The following ANKS1B variants were observed in gnomAD, a reference collection of about 807,000 sequenced individuals.
ANKS1B encodes the protein ankyrin repeat and sterile alpha motif domain-containing protein 1B.
A neutral mutation model predicts 148.3 loss-of-function variants in ANKS1B; 36 were observed. The observed-to-expected ratio is 0.24, with a 90% CI of 0.19 to 0.32. ANKS1B has a LOEUF of 0.32. ANKS1B is among the 10% of genes least tolerant of loss of function. The pLI is 1.00. For synonymous variants in ANKS1B, 542 were observed against 560.8 expected, an observed-to-expected ratio of 0.97 and a Z score of 0.47; for missense variants, 1,157 against 1,542.6, an observed-to-expected ratio of 0.75 and a Z score of 4.19.
chr12:99,224,737 T>C (rs1210565451), intron 14 of ANKS1B, among the ~76,000 whole-genome samples: 8 of 152,162 alleles, frequency 5.3e-5, no homozygotes, highest in African/African-American at 1.9e-4. Context: ...ACTGTTATTT[T>C]AAAGAATAAG....
intron 12 of ANKS1B, among the ~76,000 whole-genome samples, chr12:99,361,703 G>A (rs760779264): frequency 1.5e-4 from 23 of 151,754 alleles, no homozygotes; most frequent in Non-Finnish European, 3.2e-4. Flanking sequence ...ATATCTATAT[G>A]GCATTTTCAA....
intron 12 of ANKS1B, among the ~76,000 whole-genome samples, chr12:99,249,865 T>G (rs2074348313): frequency 6.6e-6 from 1 of 152,264 alleles, no homozygotes; most frequent in Admixed American, 6.5e-5. Context: ...CCTGACACCA[T>G]GTGAACAAGC....
chr12:99,231,510 C>T (rs543269142), intron 14 of ANKS1B, among the ~76,000 whole-genome samples: 1 of 152,196 alleles, frequency 6.6e-6, no homozygotes, highest in Non-Finnish European at 1.5e-5. Flanking sequence ...CATAATAATA[C>T]TTCACTGAGT....
At chr12:99,156,407 C>G (rs1467469894) in intron 14 of ANKS1B, among the ~76,000 whole-genome samples, 1 of 152,148 alleles carries the variant, frequency 6.6e-6, no homozygotes, top group Admixed American at 6.6e-5. Flanking sequence ...CCCTTTAAGA[C>G]ACAGTTTTGA....
chr12:99,946,806 G>T (rs2095074425), intron 1 of ANKS1B, among the ~76,000 whole-genome samples: 2 of 152,094 alleles, frequency 1.3e-5, no homozygotes, highest in Non-Finnish European at 2.9e-5. Context: ...GAAGAACATG[G>T]CATGGCTAGA....
At chr12:99,658,487 T>A (rs1001597631) in intron 8 of ANKS1B, among the ~76,000 whole-genome samples, 4 of 152,134 alleles carry the variant, frequency 2.6e-5, no homozygotes, top group African/African-American at 9.7e-5. Flanking sequence ...ATGCATGATA[T>A]CATGTTCTTC....
Position 99,840,901 on chromosome 12 carries a change from T to G in ANKS1B, c.135-15512A>C, listed in dbSNP as rs568896736. Among the ~76,000 whole-genome samples the G allele has an allele frequency of 1.3e-4, 20 of 152,262 alleles. No homozygotes were observed. In the East Asian group the frequency reaches 3.7e-3, roughly 28 times the overall value. On this transcript the variant is annotated intron_variant, in intron 1 of 26. Transcript: ENST00000683438. ...CGGCATGCCTGGTAGGGCACCACCA[T>G]TTAGTATGATGCTTGCTACTGGATT...
At chr12:99,496,134 TAA>T (rs1005562382) in intron 10 of ANKS1B, among the ~76,000 whole-genome samples, 3 of 152,330 alleles carry the variant, frequency 2.0e-5, no homozygotes, top group Non-Finnish European at 2.9e-5. Flanking sequence ...GGTGGTTTTG[TAA>T]ATTGCTCATT....
intron 17 of ANKS1B, among the ~76,000 whole-genome samples, chr12:98,902,640 T>A (rs1465285508): frequency 2.0e-5 from 3 of 152,234 alleles, no homozygotes; most frequent in African/African-American, 7.2e-5. Context: ...ATTTACTGGT[T>A]GTAGACCCTG....
chr12:99,787,523 A>G (rs191116001), intron 4 of ANKS1B, among the ~76,000 whole-genome samples: 2 of 152,346 alleles, frequency 1.3e-5, no homozygotes, highest in Admixed American at 1.3e-4. Context: ...GACTAATACA[A>G]TAATGCAATA....
intron 10 of ANKS1B, among the ~76,000 whole-genome samples, chr12:99,461,022 A>T (rs77354468): frequency 6.6e-6 from 1 of 151,980 alleles, no homozygotes; most frequent in Non-Finnish European, 1.5e-5. Context: ...ACGAGTGGAT[A>T]AAGAAAATGT....
chr12:99,632,555 G>A (rs2098172360), intron 9 of ANKS1B, among the ~76,000 whole-genome samples: 1 of 151,430 alleles, frequency 6.6e-6, no homozygotes, highest in Non-Finnish European at 1.5e-5. Context: ...CACAAAGGCA[G>A]GGTTTTTCAA....
intron 14 of ANKS1B, among the ~76,000 whole-genome samples, chr12:99,194,702 T>A (rs1219049216): frequency 6.6e-6 from 1 of 152,168 alleles, no homozygotes; most frequent in Non-Finnish European, 1.5e-5. Flanking sequence ...TGGATAATAT[T>A]AAGCAATTAT....
At chr12:98,849,791 G>T (rs1316472859) in intron 17 of ANKS1B, among the ~76,000 whole-genome samples, 2 of 152,108 alleles carry the variant, frequency 1.3e-5, no homozygotes, top group Admixed American at 6.5e-5. Flanking sequence ...GAGGATTTTT[G>T]CAGGGAGAAA....
At chr12:99,372,863 C>T (rs79232317) in intron 12 of ANKS1B, among the ~76,000 whole-genome samples, 4,729 of 152,140 alleles carry the variant, frequency 0.031, 99 homozygotes, top group Non-Finnish European at 0.05. Context: ...TATCATGTCT[C>T]ATCTGCACTC....
In ANKS1B at chr12:99,130,622, G is replaced by T. The variant is rs187104004; in HGVS notation, c.2526+23667C>A. On this transcript the variant is annotated intron_variant, in intron 15 of 26. Transcript: ENST00000683438. ...ACTCATCCTCTATAGTGCCATCAAA[G>T]TCAGAGTATTAATAAACAAATCCTG... Among the ~76,000 whole-genome samples the T allele has an allele frequency of 1.1e-4, 16 of 152,102 alleles. No homozygotes were observed. In the East Asian group the frequency reaches 2.9e-3, roughly 28 times the overall value.
At chr12:99,150,124 A>G (rs1243847239) in intron 15 of ANKS1B, among the ~76,000 whole-genome samples, 1 of 152,158 alleles carries the variant, frequency 6.6e-6, no homozygotes, top group Admixed American at 6.6e-5. Context: ...CTAATGGTCC[A>G]TGTTCCCATT....
At chr12:99,698,969 T>G (rs1396276574) in intron 8 of ANKS1B, among the ~76,000 whole-genome samples, 4 of 142,130 alleles carry the variant, frequency 2.8e-5, no homozygotes, top group African/African-American at 1.1e-4. Context: ...TGTGTGTGTG[T>G]GTGGGTGTGC....
At chr12:99,391,097 C>T (rs1001721514) in intron 12 of ANKS1B, among the ~76,000 whole-genome samples, 4 of 151,992 alleles carry the variant, frequency 2.6e-5, no homozygotes, top group East Asian at 1.9e-4. Context: ...GCCATTCATT[C>T]GTTAGGAGTT....
Sources: gnomAD v4.1 joint callset for allele counts (sites outside exome capture counted in the v4.1 genomes callset) on GRCh38, gnomAD v4.1.1 for gene constraint, MANE v1.5 for transcripts, NCBI Gene and HGNC (gene_info 2026-07-23, HGNC 2026-07-21) for gene names.